The following CFLAR variants were observed in gnomAD, a reference collection of about 807,000 sequenced individuals.
The protein encoded by CFLAR is CASP8 and FADD like apoptosis regulator, also known as CASP8 and FADD-like apoptosis regulator.
In CFLAR, 14 loss-of-function variants were observed where a neutral mutation model predicts 51.1. That is an observed-to-expected ratio of 0.27 (90% CI 0.18 to 0.43). The LOEUF (loss-of-function observed/expected upper bound fraction) is 0.43, where lower values mean the gene tolerates loss of function less well. Ranked by LOEUF, CFLAR falls within the 20% of genes least tolerant of loss-of-function variation. CFLAR has a pLI of 1.00. For synonymous variants in CFLAR, 210 were observed against 211.6 expected, an observed-to-expected ratio of 0.99 and a Z score of 0.06; for missense variants, 390 against 566.5, an observed-to-expected ratio of 0.69 and a Z score of 3.16.
At position 201,174,108 on chromosome 2, in the gene CFLAR, A is replaced by T; in HGVS notation, c.*10135A>T. On this transcript the variant is annotated 3_prime_UTR_variant, in exon 10 of 10. Transcript: ENST00000309955. ...TCACTTTCTGGATACTATACAGTAC[A>T]AGTTTTAAATTTTGATGAAGTTCAC... 6.6e-6 allele frequency: 1 copy of T among 152,224 alleles called. No homozygotes were observed. Among genetic ancestry groups the T allele is most frequent in the East Asian group, 1.9e-4 (1 of 5,206 alleles). 9.4% of individuals were successfully genotyped at this position (152,224 alleles called of 1,614,324 possible).
chr2:201,156,897 T>C (rs999100698), intron 8 of CFLAR, among the ~76,000 whole-genome samples: 2 of 152,196 alleles, frequency 1.3e-5, no homozygotes, highest in African/African-American at 4.8e-5. Context: ...CCTCTATTTA[T>C]GTGCAAGGAC....
At position 201,163,920 on chromosome 2, in the gene CFLAR, T is replaced by G; in HGVS notation, c.1390T>G (p.Tyr464Asp). ...NSRVSAKEKY[Y>D]VWLQHTLRKK... ...CAGAGTTTCTGCCAAGGAGAAATATTATGTCTGGCTGCAGCACACTCTGAG... is the reference window on the plus strand; with the variant it reads ...CAGAGTTTCTGCCAAGGAGAAATATGATGTCTGGCTGCAGCACACTCTGAG... The change falls in exon 10 of 10, where the codon TAT becomes GAT. Residue 464 changes from tyrosine to aspartate, a missense_variant. Physicochemically the swap from Tyr to Asp is radical, Grantham distance 160. Transcript: ENST00000309955. 1 of 1,614,148 alleles carries G rather than the reference T, an allele frequency of 6.2e-7. No individual in the cohort carries two copies. The highest frequency in any genetic ancestry group is 8.5e-7 in the Non-Finnish European group (1 of 1,180,026).
chr2:201,122,448 G>A (rs1286379984), intron 1 of CFLAR: 6 of 152,198 alleles, frequency 3.9e-5, no homozygotes, highest in Non-Finnish European at 8.8e-5. Flanking sequence ...GAAGGGATGA[G>A]TAAGCGTTAC....
At chr2:201,163,352 G>A in intron 9 of CFLAR, 1 of 1,168,824 alleles carries the variant, frequency 8.6e-7, no homozygotes, top group Non-Finnish European at 1.1e-6. Flanking sequence ...TTTTTCAGTT[G>A]CACTCTAATT....
At position 201,173,663 on chromosome 2, in the gene CFLAR, A is replaced by C. The variant is rs1178721353; in HGVS notation, c.*9690A>C. The C allele has an allele frequency of 2.9e-5, 4 of 137,144 alleles. No homozygotes were observed. The highest frequency in any genetic ancestry group is 5.9e-5 in the Non-Finnish European group (4 of 67,546). 8.5% of individuals were successfully genotyped at this position (137,144 alleles called of 1,614,324 possible). On this transcript the variant is annotated 3_prime_UTR_variant, in exon 10 of 10. Transcript: ENST00000309955. ...GGCCTCAAGTCCTTTCTCATTTTAA[A>C]ACTGCGTTATTTTATTTTATTTTTC...
chr2:201,140,137 C>T (rs1349568671), intron 4 of CFLAR: 2 of 284,420 alleles, frequency 7.0e-6, no homozygotes, highest in Non-Finnish European at 1.3e-5. Context: ...GGGCTGGGGG[C>T]GGGGGCTGCG....
chr2:201,170,570 A>G lies in CFLAR; in HGVS notation c.*6597A>G, dbSNP rs1241366864. ...AATACATATCATTTTCTAACTCCAA[A>G]GGTAATACTTATTTAAATGGTTTTG... is the stretch of plus-strand genomic sequence containing the variant. On this transcript the variant is annotated 3_prime_UTR_variant, in exon 10 of 10. Transcript: ENST00000309955. 1 of 152,204 alleles carries G rather than the reference A, an allele frequency of 6.6e-6. No individual in the cohort carries two copies. Among genetic ancestry groups the G allele is most frequent in the Non-Finnish European group, 1.5e-5 (1 of 68,036 alleles). The allele number at this position is 152,204 out of a possible 1,614,324, so 9.4% of individuals were successfully genotyped here. A position where few individuals can be genotyped will look rare whatever the true frequency, so the allele number is the denominator to read the frequency against.
intron 2 of CFLAR, 37 bp downstream of exon 2, chr2:201,130,183 G>T: frequency 3.5e-6 from 3 of 854,246 alleles, no homozygotes; most frequent in Non-Finnish European, 1.7e-6. Context: ...GGGTGGGTGG[G>T]AGGGAGTGAA....
chr2:201,119,030 C>A (rs2125581245), intron 1 of CFLAR: 1 of 152,360 alleles, frequency 6.6e-6, no homozygotes, highest in African/African-American at 2.4e-5. Context: ...GGCCCTAGGT[C>A]TCCTTGAGCC....
chr2:201,164,093 T>G lies in CFLAR; in HGVS notation c.*120T>G, dbSNP rs1163204067. ...CCAGCCTGGCCAACATGGTAAACGC[T>G]GTCCCTAGTAAAAATACAAAAATTA... is the stretch of plus-strand genomic sequence containing the variant. On this transcript the variant is annotated 3_prime_UTR_variant, in exon 10 of 10. Transcript: ENST00000309955. 6.3e-5 allele frequency: 44 copies of G among 700,280 alleles called. No homozygotes were observed. The highest frequency in any genetic ancestry group is 4.5e-6 in the Non-Finnish European group (2 of 443,818). 43.4% of individuals were successfully genotyped at this position (700,280 alleles called of 1,614,324 possible).
chr2:201,139,091 A>G (rs1937685527), intron 4 of CFLAR: 1 of 379,178 alleles, frequency 2.6e-6, no homozygotes. Flanking sequence ...TGTACTAAGA[A>G]AAATTCTTCT....
intron 4 of CFLAR, chr2:201,137,768 G>GA: frequency 9.9e-7 from 1 of 1,012,688 alleles, no homozygotes; most frequent in Admixed American, 1.7e-5. Context: ...CCCCGTCGTT[G>GA]AAGTATTGTT....
chr2:201,162,985 T>C (rs767230334), intron 9 of CFLAR: 28 of 738,848 alleles, frequency 3.8e-5, no homozygotes, highest in Non-Finnish European at 6.4e-5. Flanking sequence ...TTATCCTTAA[T>C]TGTTTTCTAG....
chr2:201,167,498 CCT>C lies in CFLAR; in HGVS notation c.*3526_*3527del, dbSNP rs912311118. The C allele has an allele frequency of 2.0e-5, 3 of 152,068 alleles. No homozygotes were observed. Among genetic ancestry groups the C allele is most frequent in the African/African-American group, 7.3e-5 (3 of 41,356 alleles). The allele number at this position is 152,068 out of a possible 1,614,324, so 9.4% of individuals were successfully genotyped here. A position where few individuals can be genotyped will look rare whatever the true frequency, so the allele number is the denominator to read the frequency against. ...TTCAGCATGGGAGACAGAGTGAGAC[CCT>C]GTTTCAGAAAAAATAAATAAATAAA... is the stretch of plus-strand genomic sequence containing the variant. On this transcript the variant is annotated 3_prime_UTR_variant, in exon 10 of 10. Transcript: ENST00000309955.
chr2:201,129,723 C>T lies in CFLAR; in HGVS notation c.-137-6C>T, dbSNP rs1261788562. ...GATTTTCAGAAAAATTCCCTTTTAA[C>T]CACAGAACTCCCCCACTGGAAAGGA... On this transcript the variant is annotated splice_region_variant and splice_polypyrimidine_tract_variant and intron_variant, in intron 1 of 9. Transcript: ENST00000309955. 1.3e-6 allele frequency: 1 copy of T among 749,708 alleles called. No individual in the cohort carries two copies. The highest frequency in any genetic ancestry group is 2.0e-5 in the South Asian group (1 of 50,320). The allele number at this position is 749,708 out of a possible 1,614,324, so 46.4% of individuals were successfully genotyped here.
chr2:201,121,073 A>G (rs377157904), intron 1 of CFLAR, among the ~76,000 whole-genome samples: 1 of 152,328 alleles, frequency 6.6e-6, no homozygotes, highest in African/African-American at 2.4e-5. Context: ...AAGCAGCGCA[A>G]AAGTTTCACC....
rs66478558 is a variant in CFLAR at position 201,165,241 on chromosome 2, C to CTTATTATTA, written c.*1307_*1315dup. On this transcript the variant is annotated 3_prime_UTR_variant, in exon 10 of 10. Coordinates refer to ENST00000309955, the MANE Select transcript of CFLAR (RefSeq NM_003879.7). ...ATTGTTTGAAATATCATTAGAGTTG[C>CTTATTATTA]TTATTATTATTATTATTATTATTAT... The CTTATTATTA allele has an allele frequency of 9.2e-5, 13 of 140,876 alleles. No individual in the cohort carries two copies. Among genetic ancestry groups the CTTATTATTA allele is most frequent in the African/African-American group, 2.1e-4 (8 of 37,830 alleles). 8.7% of individuals were successfully genotyped at this position (140,876 alleles called of 1,614,324 possible). A position where few individuals can be genotyped will look rare whatever the true frequency, so the allele number is the denominator to read the frequency against.
intron 8 of CFLAR, among the ~76,000 whole-genome samples, chr2:201,154,749 A>C (rs1176653719): frequency 6.6e-6 from 1 of 152,262 alleles, no homozygotes; most frequent in Non-Finnish European, 1.5e-5. Flanking sequence ...ACTTTTATCC[A>C]AAAAGCATGC....
intron 6 of CFLAR, chr2:201,148,748 G>C (rs1349510184): frequency 2.4e-6 from 1 of 411,582 alleles, no homozygotes; most frequent in African/African-American, 2.0e-5. Context: ...AACGGGGTAG[G>C]GGAGAGCCTT....
Sources: gnomAD v4.1 joint callset for allele counts (sites outside exome capture counted in the v4.1 genomes callset) on GRCh38, gnomAD v4.1.1 for gene constraint, MANE v1.5 for transcripts, NCBI Gene and HGNC (gene_info 2026-07-23, HGNC 2026-07-21) for gene names.